The following NCBP1 variants were observed in gnomAD, a reference collection of about 807,000 sequenced individuals.
NCBP1 encodes nuclear cap-binding protein subunit 1.
In NCBP1, 16 loss-of-function variants were observed where a neutral mutation model predicts 111.7. The ratio of observed to expected loss-of-function variants is 0.14; its 90% CI spans 0.10 to 0.22. The LOEUF (loss-of-function observed/expected upper bound fraction) is 0.22. Ranked by LOEUF, NCBP1 falls within the 10% of genes least tolerant of loss-of-function variation. The probability of loss-of-function intolerance (pLI) is 1.00; values close to 1 mark genes in which losing one functional copy is unlikely to be tolerated. For missense variants in NCBP1, 607 were observed against 957.5 expected (o/e 0.63, Z 4.83); for synonymous variants, 304 against 314.3 (o/e 0.97, Z 0.35).
At chr9:97,647,681 T>C (rs1355508914) in intron 7 of NCBP1, 120 bp downstream of exon 7, 1 of 824,840 alleles carries the variant, frequency 1.2e-6, no homozygotes. Context: ...CATTTCATGA[T>C]AGTTCCTTCT....
At chr9:97,661,500 G>A (rs1284407021) in intron 16 of NCBP1, among the ~76,000 whole-genome samples, 1 of 152,128 alleles carries the variant, frequency 6.6e-6, no homozygotes, top group Non-Finnish European at 1.5e-5. Flanking sequence ...TGGGAAAATT[G>A]ACAAAATAAT....
intron 15 of NCBP1, among the ~76,000 whole-genome samples, 180 bp from the exon 16 acceptor site, chr9:97,660,766 C>T (rs1339705226): frequency 6.6e-6 from 1 of 152,058 alleles, no homozygotes; most frequent in African/African-American, 2.4e-5. Context: ...AACCATTAAC[C>T]TATTAGAAAA....
In NCBP1 at chr9:97,671,398, A is replaced by C. The variant is rs1040255033; in HGVS notation, c.*199A>C. 7 of 525,988 alleles carry C rather than the reference A, an allele frequency of 1.3e-5. No individual in the cohort carries two copies. The highest frequency in any genetic ancestry group is 1.2e-4 in the African/African-American group (6 of 51,746). 32.6% of individuals were successfully genotyped at this position (525,988 alleles called of 1,614,324 possible). On this transcript the variant is annotated 3_prime_UTR_variant, in exon 23 of 23. Coordinates refer to ENST00000375147, the MANE Select transcript of NCBP1 (RefSeq NM_002486.5). ...AATACTTCCTAACGGCAGTAATGTGACTATGACCATGATATATTATATATG... is the reference window on the plus strand; with the variant it reads ...AATACTTCCTAACGGCAGTAATGTGCCTATGACCATGATATATTATATATG...
chr9:97,635,113 G>T (rs887988453), intron 1 of NCBP1, among the ~76,000 whole-genome samples: 2 of 152,188 alleles, frequency 1.3e-5, no homozygotes, highest in Non-Finnish European at 2.9e-5. Flanking sequence ...TGTGGCAGTT[G>T]AGGTGGAGGC....
intron 15 of NCBP1, 21 bp from the exon 16 acceptor site, chr9:97,660,925 T>C (rs1245805207): frequency 1.9e-6 from 3 of 1,599,310 alleles, no homozygotes; most frequent in African/African-American, 2.7e-5. Flanking sequence ...TCATTCCCCT[T>C]ACCCCCAATT....
chr9:97,648,004 T>G lies in NCBP1; in HGVS notation c.682-4T>G. On this transcript the variant is annotated splice_region_variant and splice_polypyrimidine_tract_variant and intron_variant, in intron 7 of 22. Transcript: ENST00000375147. The stretch of plus-strand genomic sequence containing the variant: ...TTAATGATTAAAAATTAATCTGTCT[T>G]TAGTATTTAGATTGCCTGTGGGCCC... 1 of 1,602,952 alleles carries G rather than the reference T, an allele frequency of 6.2e-7. No individual in the cohort carries two copies. The highest frequency in any genetic ancestry group is 2.2e-5 in the East Asian group (1 of 44,720).
chr9:97,640,468 A>G (rs1347141740), intron 1 of NCBP1, among the ~76,000 whole-genome samples: 2 of 152,186 alleles, frequency 1.3e-5, no homozygotes, highest in East Asian at 3.8e-4. Flanking sequence ...TGAGTATTCT[A>G]ACTACTAGTG....
At position 97,671,971 on chromosome 9, in the gene NCBP1, A is replaced by G. The variant is rs1246005697; in HGVS notation, c.*772A>G. ...ACTCACTTCCTCTAGCCTTGGGGTT[A>G]TTTGTCCAAGGTCTTGTAGTGAGTT... On this transcript the variant is annotated 3_prime_UTR_variant, in exon 23 of 23. Transcript: ENST00000375147. The G allele has an allele frequency of 6.6e-6, 1 of 152,214 alleles. No individual in the cohort carries two copies. Among genetic ancestry groups the G allele is most frequent in the Non-Finnish European group, 1.5e-5 (1 of 68,048 alleles). 9.4% of individuals were successfully genotyped at this position (152,214 alleles called of 1,614,324 possible).
intron 4 of NCBP1, among the ~76,000 whole-genome samples, 179 bp downstream of exon 4, chr9:97,643,539 C>T (rs1018027566): frequency 2.0e-5 from 3 of 152,114 alleles, no homozygotes; most frequent in African/African-American, 7.2e-5. Flanking sequence ...CAACCTTTCT[C>T]CTGAGCTCCA....
intron 20 of NCBP1, among the ~76,000 whole-genome samples, chr9:97,667,240 T>A (rs1214858418): frequency 6.6e-6 from 1 of 152,172 alleles, no homozygotes; most frequent in Non-Finnish European, 1.5e-5. Context: ...TACTTAACAC[T>A]TTCCCCGTAC....
intron 10 of NCBP1, among the ~76,000 whole-genome samples, chr9:97,651,626 T>C (rs532734643): frequency 2.6e-5 from 4 of 152,306 alleles, no homozygotes; most frequent in African/African-American, 9.6e-5. Flanking sequence ...TAGTATGTCT[T>C]CATTCATGGA....
chr9:97,661,168 A>G (rs1827823892), intron 16 of NCBP1, 100 bp downstream of exon 16: 28 of 1,471,326 alleles, frequency 1.9e-5, no homozygotes, highest in South Asian at 3.7e-5. Context: ...CAATATATCT[A>G]TATCTGTTTG....
At chr9:97,655,269 G>A (rs1332390628) in intron 12 of NCBP1, among the ~76,000 whole-genome samples, 1 of 152,130 alleles carries the variant, frequency 6.6e-6, no homozygotes, top group Admixed American at 6.5e-5. Flanking sequence ...GGAGTGCAGT[G>A]GGATGAGCAT....
At chr9:97,642,014 T>TAG (rs1026877697) in intron 3 of NCBP1, among the ~76,000 whole-genome samples, 2 of 152,098 alleles carry the variant, frequency 1.3e-5, no homozygotes, top group Non-Finnish European at 2.9e-5. Context: ...TGGGAATTGG[T>TAG]AACTCAGGTA....
At chr9:97,634,697 C>T (rs997429949) in intron 1 of NCBP1, 1 of 152,160 alleles carries the variant, frequency 6.6e-6, no homozygotes, top group Non-Finnish European at 1.5e-5. Context: ...CGGTCAAAAA[C>T]ACAAATCCAC....
At chr9:97,637,193 G>C (rs1163752903) in intron 1 of NCBP1, among the ~76,000 whole-genome samples, 3 of 152,118 alleles carry the variant, frequency 2.0e-5, no homozygotes, top group Non-Finnish European at 2.9e-5. Flanking sequence ...AAGATTAAGG[G>C]GGGTAGGATT....
intron 16 of NCBP1, 47 bp downstream of exon 16, chr9:97,661,115 C>G: frequency 6.2e-7 from 1 of 1,600,056 alleles, no homozygotes; most frequent in Non-Finnish European, 8.5e-7. Flanking sequence ...TATAGGCCAA[C>G]TTAAAGCATA....
Position 97,672,821 on chromosome 9 carries a change from C to T in NCBP1, c.*1622C>T, listed in dbSNP as rs1265425910. 1.3e-5 allele frequency: 2 copies of T among 156,420 alleles called. No homozygotes were observed. The highest frequency in any genetic ancestry group is 4.0e-4 in the South Asian group (2 of 5,030). The allele number at this position is 156,420 out of a possible 1,614,324, so 9.7% of individuals were successfully genotyped here. A position where few individuals can be genotyped will look rare whatever the true frequency, so the allele number is the denominator to read the frequency against. On this transcript the variant is annotated 3_prime_UTR_variant, in exon 23 of 23. Transcript: ENST00000375147. The stretch of plus-strand genomic sequence containing the variant: ...TTCTTATGATTTTATTTTCTTTTCT[C>T]TAGCTTCATAAGAATATAGCATATG...
At chr9:97,646,895 C>CT (rs1196079144) in intron 6 of NCBP1, among the ~76,000 whole-genome samples, 1 of 142,940 alleles carries the variant, frequency 7.0e-6, no homozygotes, top group East Asian at 2.1e-4. Context: ...TATCCTTTCT[C>CT]TTTTTTATTC....
Sources: gnomAD v4.1 joint callset for allele counts (sites outside exome capture counted in the v4.1 genomes callset) on GRCh38, gnomAD v4.1.1 for gene constraint, MANE v1.5 for transcripts, NCBI Gene and HGNC (gene_info 2026-07-23, HGNC 2026-07-21) for gene names.